NUP54: variants seen among roughly 807,000 people sequenced by gnomAD.
NUP54 encodes the protein nucleoporin p54.
NUP54 carries 27 observed loss-of-function variants against 66.4 expected under a neutral mutation model. The observed-to-expected ratio is 0.41, with a 90% CI of 0.30 to 0.56. The LOEUF is 0.56. Ranked by LOEUF, NUP54 falls within the 20% of genes least tolerant of loss-of-function variation. The pLI, the probability that NUP54 is intolerant of heterozygous loss-of-function variation, is 0.34. For missense variants in NUP54, 486 were observed against 596.3 expected (o/e 0.82, Z 1.93); for synonymous variants, 206 against 210.7 (o/e 0.98, Z 0.19).
intron 3 of NUP54, 51 bp from the exon 4 acceptor site, chr4:76,136,463 A>T: frequency 6.7e-7 from 1 of 1,492,704 alleles, no homozygotes. Context: ...AACAAAACTT[A>T]ATCCAGATCC....
intron 3 of NUP54, among the ~76,000 whole-genome samples, chr4:76,137,231 C>G (rs1055571702): frequency 6.6e-6 from 1 of 152,100 alleles, no homozygotes; most frequent in Non-Finnish European, 1.5e-5. Flanking sequence ...CTTCTGAGCT[C>G]AAGCGACTCT....
intron 3 of NUP54, among the ~76,000 whole-genome samples, chr4:76,142,846 G>C (rs1301158410): frequency 6.6e-6 from 1 of 152,072 alleles, no homozygotes; most frequent in South Asian, 2.1e-4. Flanking sequence ...AAAGGCTGCA[G>C]TTTCTGACAT....
At chr4:76,144,799 T>A (rs1192183403) in intron 1 of NUP54, among the ~76,000 whole-genome samples, 1 of 152,192 alleles carries the variant, frequency 6.6e-6, no homozygotes, top group Non-Finnish European at 1.5e-5. Context: ...TATGTACTTT[T>A]AGAGGAGGTG....
At chr4:76,147,506 T>A (rs797018063) in intron 1 of NUP54, 2 of 1,289,678 alleles carry the variant, frequency 1.6e-6, no homozygotes, top group African/African-American at 3.0e-5. Context: ...TTACCAAAAT[T>A]GAACGGAGTC....
rs141032008 is a variant in NUP54 at position 76,135,596 on chromosome 4, A to T, written c.522+590T>A. ...TATGTACATATTGATTAGGTTTAAG[A>T]GACCAACGTAGGCCAATATAACTCC... On this transcript the variant is annotated intron_variant, in intron 4 of 11. Coordinates refer to ENST00000264883, the MANE Select transcript of NUP54 (RefSeq NM_017426.4). Among the ~76,000 whole-genome samples, 23 of 152,350 alleles carry T rather than the reference A, an allele frequency of 1.5e-4. No individual in the cohort carries two copies. The East Asian group carries it at 4.2e-3, about 28-fold the overall frequency.
chr4:76,127,573 T>A (rs1051250913), intron 8 of NUP54, among the ~76,000 whole-genome samples: 9 of 152,240 alleles, frequency 5.9e-5, no homozygotes, highest in Middle Eastern at 3.4e-3. Flanking sequence ...AAATTTTTTT[T>A]AATGTAGGAT....
rs895338266 is a variant in NUP54 at position 76,145,644 on chromosome 4, T to A, written c.68-1171A>T. ...ATCTAAAATTGTTTTGTTATTTTTG[T>A]AACTTATTGTCAGTCTTCAGCTGAT... On this transcript the variant is annotated intron_variant, in intron 1 of 11. Coordinates refer to ENST00000264883, the MANE Select transcript of NUP54 (RefSeq NM_017426.4). 12 of 1,073,048 alleles carry A rather than the reference T, an allele frequency of 1.1e-5. No homozygotes were observed. In the African/African-American group the frequency reaches 2.0e-4, roughly 18 times the overall value. The allele number at this position is 1,073,048 out of a possible 1,614,324, so 66.5% of individuals were successfully genotyped here. A position where few individuals can be genotyped will look rare whatever the true frequency, so the allele number is the denominator to read the frequency against.
intron 3 of NUP54, among the ~76,000 whole-genome samples, chr4:76,136,851 C>T (rs1159145271): frequency 6.6e-6 from 1 of 152,170 alleles, no homozygotes; most frequent in Non-Finnish European, 1.5e-5. Flanking sequence ...CAGTGAAACC[C>T]ACTTCTGGAC....
At chr4:76,125,857 AGGGGGAGG>A (rs1337894352) in intron 8 of NUP54, among the ~76,000 whole-genome samples, 13 of 47,702 alleles carry the variant, frequency 2.7e-4, no homozygotes, top group Middle Eastern at 8.8e-3. Context: ...AGAGAGGGGG[AGGGGGAGG>A]GAGAGAGAGA....
intron 7 of NUP54, 121 bp from the exon 8 acceptor site, chr4:76,130,870 C>A: frequency 1.5e-6 from 1 of 678,532 alleles, no homozygotes; most frequent in South Asian, 1.7e-5. Flanking sequence ...TAAGGCAGAT[C>A]TATGACTATG....
Position 76,132,571 on chromosome 4 carries a change from C to A in NUP54, c.859G>T (p.Glu287Ter), listed in dbSNP as rs1472553248. ...LGVTLSMTRTELSPAQIKQLL... is the reference protein window; with the variant it reads ...LGVTLSMTRT The stretch of plus-strand genomic sequence containing the variant: ...TGTTTGATCTGTGCAGGAGAAAGTT[C>A]TGTTCTAGTCATAGAAAGGGTTACA... Residue 287 changes from glutamate (E) to a stop codon, truncating the protein, a stop_gained, in exon 6 of 12, where the codon GAA becomes TAA. Coordinates refer to ENST00000264883, the MANE Select transcript of NUP54 (RefSeq NM_017426.4). LOFTEE classifies it high-confidence loss of function. 6.2e-7 allele frequency: 1 copy of A among 1,613,984 alleles called. No individual in the cohort carries two copies. Among genetic ancestry groups the A allele is most frequent in the Admixed American group, 1.7e-5 (1 of 60,000 alleles).
In NUP54 at chr4:76,121,076, C is replaced by T. The variant is rs577573210; in HGVS notation, c.1165-2882G>A. 4.6e-5 allele frequency among the ~76,000 whole-genome samples: 7 copies of T among 152,304 alleles called. 1 individual carries two copies. The South Asian group carries it at 1.4e-3, about 32-fold the overall frequency. ...TTTTTGATCAATGTCTCTCAAATCCCAGGCTGTACATACAGCTTTGAAAGT... is the reference window on the plus strand; with the variant it reads ...TTTTTGATCAATGTCTCTCAAATCCTAGGCTGTACATACAGCTTTGAAAGT... On this transcript the variant is annotated intron_variant, in intron 9 of 11. Transcript: ENST00000264883.
chr4:76,146,502 C>T (rs762283721), intron 1 of NUP54, among the ~76,000 whole-genome samples: 7 of 152,322 alleles, frequency 4.6e-5, no homozygotes, highest in Non-Finnish European at 7.4e-5. Context: ...CTGTTTTCAA[C>T]TCAGATGCTA....
intron 8 of NUP54, among the ~76,000 whole-genome samples, chr4:76,126,515 A>G (rs186207302): frequency 1.7e-3 from 264 of 152,308 alleles, no homozygotes; most frequent in South Asian, 2.9e-3. Context: ...CCCCATCCCA[A>G]TTTTGAAAAA....
At chr4:76,146,057 G>A (rs1318730986) in intron 1 of NUP54, 4 of 434,542 alleles carry the variant, frequency 9.2e-6, no homozygotes, top group Non-Finnish European at 1.4e-5. Flanking sequence ...ATCTGAATTG[G>A]CTACGCAATA....
chr4:76,144,411 G>A lies in NUP54; in HGVS notation c.130C>T (p.Pro44Ser). The A allele has an allele frequency of 6.2e-7, 1 of 1,609,562 alleles. No individual in the cohort carries two copies. The highest frequency in any genetic ancestry group is 8.5e-7 in the Non-Finnish European group (1 of 1,178,856). ...TAGSAFSFSA[P>S]TNTGTTGLFG... ...TTACCAGTAGTGCCTGTGTTAGTTG[G>A]GGCAGAAAAGCTGAATGCAGAACCT... Residue 44 changes from proline (P) to serine (S), a missense_variant, in exon 2 of 12, where the codon CCA becomes TCA. Physicochemically the swap from Pro to Ser is moderately conservative, Grantham distance 74 (BLOSUM62 -1). Around this residue, in one of 4 missense-constraint regions of NUP54, gnomAD observed 145 missense variants for 137.1 expected, o/e 1.06. Coordinates refer to ENST00000264883, the MANE Select transcript of NUP54 (RefSeq NM_017426.4).
chr4:76,130,615 C>T (rs1212511043), intron 8 of NUP54, 41 bp downstream of exon 8: 5 of 1,307,782 alleles, frequency 3.8e-6, no homozygotes, highest in Non-Finnish European at 5.5e-6. Context: ...TAATCCCTTT[C>T]CCTACTTCCA....
At chr4:76,131,668 G>A (rs1730807973) in intron 6 of NUP54, among the ~76,000 whole-genome samples, 1 of 148,376 alleles carries the variant, frequency 6.7e-6, no homozygotes, top group Admixed American at 6.7e-5. Context: ...TTTGCCATCA[G>A]TGGCCAGAAA....
intron 5 of NUP54, 92 bp from the exon 6 acceptor site, chr4:76,132,811 T>A: frequency 1.1e-6 from 1 of 932,122 alleles, no homozygotes; most frequent in Non-Finnish European, 1.6e-6. Context: ...TCAGAAGGGT[T>A]TAAGTTGAAT....
Sources: gnomAD v4.1 joint callset for allele counts (sites outside exome capture counted in the v4.1 genomes callset) on GRCh38, gnomAD v4.1.1 for gene constraint, gnomAD v4.1.1 regional missense constraint, MANE v1.5 for transcripts, NCBI Gene and HGNC (gene_info 2026-07-23, HGNC 2026-07-21) for gene names.